Variants in IDH2 observed in about 807,000 individuals in gnomAD.
IDH2 encodes the protein isocitrate dehydrogenase (NADP(+)) 2.
In IDH2, 18 loss-of-function variants were observed where a neutral mutation model predicts 50.5. The observed-to-expected ratio is 0.36, with a 90% CI of 0.25 to 0.53. The LOEUF is 0.53. IDH2 is among the 20% of genes least tolerant of loss of function. IDH2 has a pLI of 0.92. For missense variants in IDH2, 518 were observed against 610.7 expected, an observed-to-expected ratio of 0.85 and a Z score of 1.60; for synonymous variants, 280 against 239.8, an observed-to-expected ratio of 1.17 and a Z score of -1.55.
chr15:90,099,370 C>T (rs1901270844), intron 1 of IDH2, among the ~76,000 whole-genome samples: 1 of 152,192 alleles, frequency 6.6e-6, no homozygotes, highest in Admixed American at 6.5e-5. Flanking sequence ...CTGCTTCCTC[C>T]CCTCCTCAGC....
In IDH2 at chr15:90,084,686, CAG is replaced by C; in HGVS notation, c.1271+128_1271+129del. 1 of 809,652 alleles carries C rather than the reference CAG, an allele frequency of 1.2e-6. No homozygotes were observed. The highest frequency in any genetic ancestry group is 2.1e-6 in the Non-Finnish European group (1 of 468,250). 50.2% of individuals were successfully genotyped at this position (809,652 alleles called of 1,614,324 possible). On this transcript the variant is annotated intron_variant, in intron 10 of 10. Transcript: ENST00000330062. The surrounding 1 kb of genome is among the most constrained non-coding windows in gnomAD (Gnocchi z 5.0). ...ACAGAGGCTGGCCTGAGCAGTCTCT[CAG>C]GGCTGTGGACATGTCCTGCCCCAGG...
chr15:90,087,820 T>C (rs1900908072), intron 5 of IDH2, among the ~76,000 whole-genome samples: 1 of 149,082 alleles, frequency 6.7e-6, no homozygotes, highest in South Asian at 2.1e-4. Flanking sequence ...TTTTTTTTTT[T>C]TTTGGAAACA....
chr15:90,092,391 T>C (rs1014926249), intron 1 of IDH2, among the ~76,000 whole-genome samples: 2 of 120,660 alleles, frequency 1.7e-5, no homozygotes, highest in African/African-American at 3.4e-5. Flanking sequence ...CCTTCCTTCC[T>C]TTCGTTCCTT....
In IDH2 at chr15:90,084,274, T is replaced by C. The variant is rs764173046; in HGVS notation, c.1351A>G (p.Arg451Gly). 6.2e-7 allele frequency: 1 copy of C among 1,613,892 alleles called. No homozygotes were observed. Among genetic ancestry groups the C allele is most frequent in the South Asian group, 1.1e-5 (1 of 91,060 alleles). ...ATGGGTGGCGCCTCCCCCTACTGCC[T>C]GCCCAGGGCTCTGTCCAGGTTGCTC... ...IKSNLDRALG[R>G]Q The change falls in exon 11 of 11, where the codon AGG (arginine) becomes GGG (glycine). Residue 451 changes from arginine to glycine, a missense_variant. Transcript: ENST00000330062. The surrounding 1 kb of genome is among the most constrained non-coding windows in gnomAD (Gnocchi z 5.0).
intron 3 of IDH2, among the ~76,000 whole-genome samples, chr15:90,089,941 G>C (rs961638114): frequency 1.3e-5 from 2 of 152,180 alleles, no homozygotes; most frequent in Admixed American, 6.5e-5. Flanking sequence ...TTCCCCAGAG[G>C]CTGCTGAGGC....
Position 90,088,681 on chromosome 15 carries a change from A to G in IDH2, c.440T>C (p.Val147Ala), listed in dbSNP as rs1353428252. 1 of 1,614,078 alleles carries G rather than the reference A, an allele frequency of 6.2e-7. No homozygotes were observed. Among genetic ancestry groups the G allele is most frequent in the Non-Finnish European group, 8.5e-7 (1 of 1,180,008 alleles). ...TTTGCAGATGATGGGCTCCCGGAAG[A>G]CAGTCCCCCCCAGGATGTTCCGGAT... Reference protein sequence around the residue: ...GTIRNILGGTVFREPIICKNI... With the variant: ...GTIRNILGGTAFREPIICKNI... The change falls in exon 4 of 11, where the codon GTC (valine) becomes GCC (alanine). Residue 147 changes from valine (V) to alanine (A), a missense_variant. Physicochemically the swap from Val to Ala is moderately conservative, Grantham distance 64. Around this residue, in one of 5 missense-constraint regions of IDH2, gnomAD observed 207 missense variants for 208.6 expected, o/e 0.99. Transcript: ENST00000330062.
In IDH2 at chr15:90,085,842, C is replaced by T. The variant is rs925725871; in HGVS notation, c.968-455G>A. Among the ~76,000 whole-genome samples the T allele has an allele frequency of 1.3e-5, 2 of 152,230 alleles. No homozygotes were observed. Among genetic ancestry groups the T allele is most frequent in the Non-Finnish European group, 2.9e-5 (2 of 68,036 alleles). On this transcript the variant is annotated intron_variant, in intron 7 of 10. Transcript: ENST00000330062. This position sits in a 1 kb window ranked among gnomAD's most constrained non-coding sequence, Gnocchi z 5.5. The stretch of plus-strand genomic sequence containing the variant: ...CACTTTCAAGCTTTTTGATTAATTT[C>T]TGAATGCTCCCAAATCCACATGTCA...
intron 1 of IDH2, among the ~76,000 whole-genome samples, chr15:90,096,876 T>A (rs1223651236): frequency 6.6e-6 from 1 of 151,352 alleles, no homozygotes; most frequent in Admixed American, 6.6e-5. Context: ...ATCGCGCCAC[T>A]GCACTCCAGC....
Position 90,084,798 on chromosome 15 carries a change from C to G in IDH2, c.1271+18G>C. ...CCCACATGGCCCCAGGGTCTGCCTA[C>G]CACCCCAGGCCACGCACTTGCTGAG... On this transcript the variant is annotated intron_variant, in intron 10 of 10. Transcript: ENST00000330062. The surrounding 1 kb of genome is among the most constrained non-coding windows in gnomAD (Gnocchi z 5.0). 1 of 1,605,958 alleles carries G rather than the reference C, an allele frequency of 6.2e-7. No individual in the cohort carries two copies. The highest frequency in any genetic ancestry group is 8.5e-7 in the Non-Finnish European group (1 of 1,173,686).
Position 90,083,824 on chromosome 15 carries a change from A to C in IDH2, c.*442T>G. ...GAACTCCGCAGTGGGCCCCTGTGGA[A>C]TGCGGGCTCCCAGGGCTGCCTGGTC... On this transcript the variant is annotated 3_prime_UTR_variant, in exon 11 of 11. Coordinates refer to ENST00000330062, the MANE Select transcript of IDH2 (RefSeq NM_002168.4). 2 of 273,296 alleles carry C rather than the reference A, an allele frequency of 7.3e-6. No homozygotes were observed. The allele number at this position is 273,296 out of a possible 1,614,324, so 16.9% of individuals were successfully genotyped here. A position where few individuals can be genotyped will look rare whatever the true frequency, so the allele number is the denominator to read the frequency against.
chr15:90,091,062 C>T (rs1289537373), intron 2 of IDH2, among the ~76,000 whole-genome samples: 3 of 148,666 alleles, frequency 2.0e-5, no homozygotes, highest in Non-Finnish European at 3.0e-5. Context: ...AACGCACACA[C>T]AGTGTGGGGC....
chr15:90,087,023 G>A, intron 7 of IDH2, 89 bp downstream of exon 7: 1 of 1,435,718 alleles, frequency 7.0e-7, no homozygotes, highest in Non-Finnish European at 9.8e-7. Context: ...TGCTCCACTA[G>A]AGTTTTCTAC....
chr15:90,089,636 G>T (rs981627497), intron 3 of IDH2, among the ~76,000 whole-genome samples: 2 of 152,196 alleles, frequency 1.3e-5, no homozygotes, highest in Non-Finnish European at 2.9e-5. Flanking sequence ...ACAGGGGCAG[G>T]CCTGGGGAAT....
At chr15:90,087,814 TTTTTTTTTTGGAAACAAC>T (rs1900907863) in intron 5 of IDH2, among the ~76,000 whole-genome samples, 2 of 149,920 alleles carry the variant, frequency 1.3e-5, no homozygotes, top group African/African-American at 5.0e-5. Context: ...GCCTTTTTTT[TTTTTTTTTTGGAAACAAC>T]TTTTTTTTGG....
At position 90,085,738 on chromosome 15, in the gene IDH2, C is replaced by T. The variant is rs1900844147; in HGVS notation, c.968-351G>A. On this transcript the variant is annotated intron_variant, in intron 7 of 10. Coordinates refer to ENST00000330062, the MANE Select transcript of IDH2 (RefSeq NM_002168.4). This position sits in a 1 kb window ranked among gnomAD's most constrained non-coding sequence, Gnocchi z 5.5. ...CTGCCACCCAGCCTGGCTCGTGACC[C>T]GGAGGCACATTCAAGGAAAACAATA... 6.6e-6 allele frequency among the ~76,000 whole-genome samples: 1 copy of T among 152,236 alleles called. No homozygotes were observed. The highest frequency in any genetic ancestry group is 1.5e-5 in the Non-Finnish European group (1 of 68,048).
In IDH2 at chr15:90,084,659, C is replaced by G. The variant is rs1298406724; in HGVS notation, c.1271+157G>C. 2.0e-5 allele frequency among the ~76,000 whole-genome samples: 3 copies of G among 152,184 alleles called. No homozygotes were observed. Among genetic ancestry groups the G allele is most frequent in the Non-Finnish European group, 2.9e-5 (2 of 68,020 alleles). On this transcript the variant is annotated intron_variant, in intron 10 of 10. Coordinates refer to ENST00000330062, the MANE Select transcript of IDH2 (RefSeq NM_002168.4). This position sits in a 1 kb window ranked among gnomAD's most constrained non-coding sequence, Gnocchi z 5.0. ...TGGGGAGGAACTCACTAGACCTGGT[C>G]TACAGAGGCTGGCCTGAGCAGTCTC... is the stretch of plus-strand genomic sequence containing the variant.
In IDH2 at chr15:90,091,560, T is replaced by G. The variant is rs759030336; in HGVS notation, c.200A>C (p.Lys67Thr). ...TTCAGGAGGGGGCACTACCTTCTCC[T>G]TGATGAACTGCCAGATAATACGGGT... Reference protein sequence around the residue: ...EMTRIIWQFIKEKLILPHVDI... With the variant: ...EMTRIIWQFITEKLILPHVDI... The change falls in exon 2 of 11, where the codon AAG becomes ACG. Residue 67 changes from lysine (K) to threonine (T), a missense_variant. By Grantham distance (78) the Lys-to-Thr change is moderately conservative (BLOSUM62 -1). Transcript: ENST00000330062. 2.5e-6 allele frequency: 4 copies of G among 1,613,830 alleles called. No homozygotes were observed. Among genetic ancestry groups the G allele is most frequent in the Non-Finnish European group, 3.4e-6 (4 of 1,179,672 alleles).
intron 1 of IDH2, among the ~76,000 whole-genome samples, chr15:90,095,609 C>T (rs1304744663): frequency 1.3e-5 from 2 of 152,150 alleles, no homozygotes; most frequent in Admixed American, 6.5e-5. Flanking sequence ...AGTTCAAGGT[C>T]AAGATCAAAG....
At chr15:90,096,559 G>C (rs548158015) in intron 1 of IDH2, among the ~76,000 whole-genome samples, 1 of 152,266 alleles carries the variant, frequency 6.6e-6, no homozygotes, top group South Asian at 2.1e-4. Context: ...GTGCCCTGTT[G>C]GTGGGAATGT....
Sources: gnomAD v4.1 joint callset for allele counts (sites outside exome capture counted in the v4.1 genomes callset) on GRCh38, gnomAD v4.1.1 for gene constraint, gnomAD v4.1.1 regional missense constraint, Gnocchi (gnomAD v3.1) non-coding constraint, MANE v1.5 for transcripts, NCBI Gene and HGNC (gene_info 2026-07-23, HGNC 2026-07-21) for gene names.